SBF2: variants seen among roughly 807,000 people sequenced by gnomAD.
SBF2 encodes SET binding factor 2.
In SBF2, 112 loss-of-function variants were observed where a neutral mutation model predicts 225.2. The observed-to-expected ratio is 0.50, with a 90% confidence interval of 0.43 to 0.58. SBF2 has a LOEUF of 0.58. SBF2 is among the 20% of genes least tolerant of loss of function. The pLI is 0.00. For synonymous variants in SBF2, 763 were observed against 773.3 expected, an observed-to-expected ratio of 0.99 and a Z score of 0.22; for missense variants, 1,996 against 2,206.2, an observed-to-expected ratio of 0.90 and a Z score of 1.91.
chr11:9,849,489 T>C (rs529735570), intron 22 of SBF2, among the ~76,000 whole-genome samples: 1 of 152,202 alleles, frequency 6.6e-6, no homozygotes, highest in East Asian at 1.9e-4. Flanking sequence ...TACTGAATAG[T>C]AGAAAATAGA....
At chr11:10,232,606 G>C (rs188442807) in intron 1 of SBF2, among the ~76,000 whole-genome samples, 72 of 145,038 alleles carry the variant, frequency 5.0e-4, no homozygotes, top group Admixed American at 1.6e-3. Context: ...CTCTGTCACC[G>C]AGGCTGGAGT....
chr11:10,145,623 A>G (rs1019786465), intron 2 of SBF2, among the ~76,000 whole-genome samples: 45 of 152,204 alleles, frequency 3.0e-4, no homozygotes, highest in Non-Finnish European at 6.5e-4. Context: ...TTAGTATTTT[A>G]TAGTTATTAT....
chr11:9,898,765 T>C (rs1386079137), intron 16 of SBF2, among the ~76,000 whole-genome samples: 1 of 152,140 alleles, frequency 6.6e-6, no homozygotes, highest in Non-Finnish European at 1.5e-5. Flanking sequence ...AAGTAAAAGA[T>C]AGGCTCAAGC....
intron 2 of SBF2, among the ~76,000 whole-genome samples, chr11:10,077,443 A>T (rs1044736393): frequency 6.6e-6 from 1 of 152,200 alleles, no homozygotes; most frequent in Non-Finnish European, 1.5e-5. Context: ...TGGTACTGGT[A>T]CCAAACCACA....
At chr11:10,092,422 G>A (rs935812226) in intron 2 of SBF2, among the ~76,000 whole-genome samples, 1 of 152,146 alleles carries the variant, frequency 6.6e-6, no homozygotes, top group African/African-American at 2.4e-5. Context: ...TGCAGCTTAT[G>A]TATGGCTGTG....
intron 2 of SBF2, among the ~76,000 whole-genome samples, chr11:10,106,167 G>A (rs538627943): frequency 1.3e-5 from 2 of 152,076 alleles, no homozygotes; most frequent in South Asian, 4.1e-4. Flanking sequence ...GGTAGTTTTT[G>A]AACCCTTACC....
At chr11:10,076,611 A>C (rs1480576360) in intron 2 of SBF2, among the ~76,000 whole-genome samples, 1 of 152,236 alleles carries the variant, frequency 6.6e-6, no homozygotes, top group Non-Finnish European at 1.5e-5. Flanking sequence ...AAGACTGCTT[A>C]TAACTTGGCT....
chr11:10,239,974 C>T (rs1240095503), intron 1 of SBF2, among the ~76,000 whole-genome samples: 1 of 152,102 alleles, frequency 6.6e-6, no homozygotes, highest in African/African-American at 2.4e-5. Flanking sequence ...AATTATGCTA[C>T]AAACAAGAAG....
At chr11:10,221,782 G>T (rs915613534) in intron 1 of SBF2, among the ~76,000 whole-genome samples, 1 of 152,204 alleles carries the variant, frequency 6.6e-6, no homozygotes, top group African/African-American at 2.4e-5. Context: ...TCAGTACTTG[G>T]AAGAGTATGG....
Position 9,913,712 on chromosome 11 carries a change from C to T in SBF2, c.1861-17701G>A, listed in dbSNP as rs568065662. Among the ~76,000 whole-genome samples, 561 of 150,522 alleles carry T rather than the reference C, an allele frequency of 3.7e-3. 3 individuals carry two copies. The highest frequency in any genetic ancestry group is 5.1e-3 in the South Asian group (24 of 4,730). ...TGAGATGTGGAAAAAACCAAAATGT[C>T]CACATGAATAAAATGTAGGAGTGAC... On this transcript the variant is annotated intron_variant, in intron 16 of 39. Coordinates refer to ENST00000256190, the MANE Select transcript of SBF2 (RefSeq NM_030962.4).
chr11:9,943,011 GAGAA>G (rs1283190092), intron 16 of SBF2, among the ~76,000 whole-genome samples: 2 of 142,158 alleles, frequency 1.4e-5, no homozygotes, highest in Non-Finnish European at 3.2e-5. Context: ...AAGAAAGAAA[GAGAA>G]AGAAAGATTG....
intron 3 of SBF2, among the ~76,000 whole-genome samples, chr11:10,038,412 CT>C (rs978210515): frequency 6.6e-6 from 1 of 152,074 alleles, no homozygotes; most frequent in African/African-American, 2.4e-5. Flanking sequence ...GCACTACAAT[CT>C]TTTTTCCTTT....
At chr11:9,881,620 C>T (rs1859767257) in intron 17 of SBF2, among the ~76,000 whole-genome samples, 1 of 151,962 alleles carries the variant, frequency 6.6e-6, no homozygotes, top group Non-Finnish European at 1.5e-5. Context: ...TGGAGCATGC[C>T]CAGAGTTCAG....
At chr11:10,131,537 G>A (rs1458073834) in intron 2 of SBF2, among the ~76,000 whole-genome samples, 3 of 152,232 alleles carry the variant, frequency 2.0e-5, no homozygotes, top group South Asian at 4.1e-4. Flanking sequence ...AGGTTCAAGC[G>A]ATTCTCCTGC....
At chr11:9,808,438 G>A in intron 31 of SBF2, 1 of 541,404 alleles carries the variant, frequency 1.8e-6, no homozygotes, top group South Asian at 2.0e-5. Context: ...TGGCCAGTTT[G>A]CTGACAGCAA....
intron 26 of SBF2, among the ~76,000 whole-genome samples, chr11:9,837,762 G>A (rs529180905): frequency 1.2e-4 from 18 of 150,794 alleles, no homozygotes; most frequent in Admixed American, 1.2e-3. Flanking sequence ...TTTTGGAGAC[G>A]GAGTGTTGCT....
At chr11:10,148,657 T>TA (rs1221205262) in intron 2 of SBF2, among the ~76,000 whole-genome samples, 1 of 151,736 alleles carries the variant, frequency 6.6e-6, no homozygotes, top group African/African-American at 2.4e-5. Flanking sequence ...CCCCACAACA[T>TA]ACGCCTTAAA....
chr11:9,908,354 G>A (rs1401333527), intron 16 of SBF2, among the ~76,000 whole-genome samples: 4 of 152,030 alleles, frequency 2.6e-5, no homozygotes, highest in African/African-American at 9.7e-5. Context: ...GGCTTGGTGC[G>A]GTGGCTCACG....
chr11:10,106,255 GAAATAAAGA>G (rs531230750), intron 2 of SBF2, among the ~76,000 whole-genome samples: 10 of 151,994 alleles, frequency 6.6e-5, no homozygotes, highest in Non-Finnish European at 1.5e-4. Flanking sequence ...ATACCTTTTT[GAAATAAAGA>G]AAATAAAGAA....
Sources: gnomAD v4.1 joint callset for allele counts (sites outside exome capture counted in the v4.1 genomes callset) on GRCh38, gnomAD v4.1.1 for gene constraint, MANE v1.5 for transcripts, NCBI Gene and HGNC (gene_info 2026-07-23, HGNC 2026-07-21) for gene names.